The following PBX3 variants were observed in gnomAD, a reference collection of about 807,000 sequenced individuals.
The protein encoded by PBX3 is PBX homeobox 3.
In PBX3, 14 loss-of-function variants were observed where a neutral mutation model predicts 48.5. The observed-to-expected ratio is 0.29, with a 90% confidence interval of 0.19 to 0.45. The LOEUF is 0.45. PBX3 is among the 20% of genes least tolerant of loss of function. The pLI, the probability that PBX3 is intolerant of heterozygous loss-of-function variation, is 1.00. For synonymous variants in PBX3, 210 were observed against 200.3 expected (o/e 1.05, Z -0.41); for missense variants, 386 against 546.7 (o/e 0.71, Z 2.93).
chr9:125,808,018 C>CAGAT (rs974253162), intron 2 of PBX3, among the ~76,000 whole-genome samples: 3 of 152,116 alleles, frequency 2.0e-5, no homozygotes, highest in Admixed American at 6.6e-5. Flanking sequence ...GATAGATAAA[C>CAGAT]AGATAGATTG....
At chr9:125,939,425 T>C (rs1370200643) in intron 5 of PBX3, among the ~76,000 whole-genome samples, 1 of 152,210 alleles carries the variant, frequency 6.6e-6, no homozygotes, top group South Asian at 2.1e-4. Context: ...TTCAAACTTA[T>C]ATTTCCTAGA....
intron 2 of PBX3, among the ~76,000 whole-genome samples, chr9:125,781,450 A>C (rs1189723483): frequency 6.6e-6 from 1 of 150,888 alleles, no homozygotes; most frequent in African/African-American, 2.4e-5. Context: ...GGGAGGTTGC[A>C]GTGAGCTGAG....
chr9:125,831,426 TG>T (rs1038192662), intron 2 of PBX3, among the ~76,000 whole-genome samples: 41 of 144,908 alleles, frequency 2.8e-4, no homozygotes, highest in South Asian at 6.3e-4. Flanking sequence ...TTAGCCAGAA[TG>T]TTTTTTTTTT....
At chr9:125,947,029 C>A (rs1262422918) in intron 5 of PBX3, among the ~76,000 whole-genome samples, 2 of 152,158 alleles carry the variant, frequency 1.3e-5, no homozygotes, top group African/African-American at 4.8e-5. Flanking sequence ...GGAGTGATAT[C>A]TTTAAAGTGA....
At chr9:125,876,911 G>A (rs1215398805) in intron 2 of PBX3, among the ~76,000 whole-genome samples, 2 of 150,802 alleles carry the variant, frequency 1.3e-5, no homozygotes, top group Non-Finnish European at 3.0e-5. Flanking sequence ...CAGCCTCCCA[G>A]GTAGCTGGCA....
intron 2 of PBX3, among the ~76,000 whole-genome samples, chr9:125,842,727 C>T (rs2132233936): frequency 6.6e-6 from 1 of 152,294 alleles, no homozygotes. Context: ...GGATTCCTTG[C>T]TGGGCCTCAT....
chr9:125,748,368 G>C, intron 1 of PBX3, 182 bp from the exon 2 acceptor site: 1 of 1,316,980 alleles, frequency 7.6e-7, no homozygotes, highest in Non-Finnish European at 9.8e-7. Context: ...TGCAGCTTTC[G>C]CCGCCGGGGC....
At chr9:125,948,421 A>G (rs892110802) in intron 5 of PBX3, among the ~76,000 whole-genome samples, 1 of 152,244 alleles carries the variant, frequency 6.6e-6, no homozygotes, top group Non-Finnish European at 1.5e-5. Context: ...GAATCAAACT[A>G]GAAATGACAA....
In PBX3 at chr9:125,830,175, GCATT is replaced by G. The variant is rs576461639; in HGVS notation, c.274+81555_274+81558del. ...GCTATCTAAAGCATACGTAATATGA[GCATT>G]CAACTGATTTTGTTTAGAAATAAGA... On this transcript the variant is annotated intron_variant, in intron 2 of 8. Coordinates refer to ENST00000373489, the MANE Select transcript of PBX3 (RefSeq NM_006195.6). Among the ~76,000 whole-genome samples, 1,024 of 152,180 alleles carry G rather than the reference GCATT, an allele frequency of 6.7e-3. 15 individuals carry two copies. Among genetic ancestry groups the G allele is most frequent in the Non-Finnish European group, 8.1e-3 (550 of 67,998 alleles).
chr9:125,879,947 C>T (rs1380418919), intron 2 of PBX3, among the ~76,000 whole-genome samples: 1 of 152,110 alleles, frequency 6.6e-6, no homozygotes, highest in Admixed American at 6.5e-5. Flanking sequence ...CTGTTAGTTA[C>T]CAGACTTCAG....
intron 2 of PBX3, among the ~76,000 whole-genome samples, chr9:125,820,931 A>G (rs1838632534): frequency 6.6e-6 from 1 of 152,240 alleles, no homozygotes; most frequent in African/African-American, 2.4e-5. Flanking sequence ...AAAAGGCAAT[A>G]CTACTACAGT....
chr9:125,953,887 G>T (rs1264676716), intron 5 of PBX3, among the ~76,000 whole-genome samples: 1 of 152,098 alleles, frequency 6.6e-6, no homozygotes, highest in Non-Finnish European at 1.5e-5. Flanking sequence ...TTGGGGGGAC[G>T]CATACTGTAC....
At chr9:125,853,447 A>G (rs1280507149) in intron 2 of PBX3, among the ~76,000 whole-genome samples, 1 of 152,204 alleles carries the variant, frequency 6.6e-6, no homozygotes, top group South Asian at 2.1e-4. Flanking sequence ...TAAGGGTGTT[A>G]TGAAAAGAGC....
chr9:125,886,153 G>A (rs1272219017), intron 2 of PBX3, among the ~76,000 whole-genome samples: 1 of 151,990 alleles, frequency 6.6e-6, no homozygotes, highest in Non-Finnish European at 1.5e-5. Flanking sequence ...AAAGTGTATA[G>A]CAGGATCTAT....
chr9:125,944,764 G>A (rs1215171329), intron 5 of PBX3, among the ~76,000 whole-genome samples: 1 of 152,080 alleles, frequency 6.6e-6, no homozygotes, highest in Admixed American at 6.6e-5. Context: ...TTATTATGTG[G>A]GGGGTGGGGG....
At chr9:125,807,890 T>C (rs1001287975) in intron 2 of PBX3, among the ~76,000 whole-genome samples, 2 of 152,252 alleles carry the variant, frequency 1.3e-5, no homozygotes, top group Non-Finnish European at 2.9e-5. Context: ...CATCTCTTTA[T>C]AAATCAATAC....
At chr9:125,809,515 G>A (rs943996834) in intron 2 of PBX3, among the ~76,000 whole-genome samples, 2 of 149,758 alleles carry the variant, frequency 1.3e-5, no homozygotes, top group South Asian at 2.1e-4. Context: ...AAATGCAGTT[G>A]TACTTCTGAG....
chr9:125,783,195 A>G (rs1485152279), intron 2 of PBX3, among the ~76,000 whole-genome samples: 3 of 152,234 alleles, frequency 2.0e-5, no homozygotes, highest in Middle Eastern at 3.4e-3. Context: ...GTTGGTGTGC[A>G]TGATGTCCCA....
intron 5 of PBX3, among the ~76,000 whole-genome samples, chr9:125,939,347 G>A (rs1841910016): frequency 1.3e-5 from 2 of 152,226 alleles, no homozygotes; most frequent in Admixed American, 1.3e-4. Flanking sequence ...ATGGTCAATT[G>A]TATGAAAAGA....
Sources: gnomAD v4.1 joint callset for allele counts (sites outside exome capture counted in the v4.1 genomes callset) on GRCh38, gnomAD v4.1.1 for gene constraint, MANE v1.5 for transcripts, NCBI Gene and HGNC (gene_info 2026-07-23, HGNC 2026-07-21) for gene names.